DHRSX: variants seen among roughly 807,000 people sequenced by gnomAD.
The protein encoded by DHRSX is dehydrogenase/reductase X-linked.
In DHRSX, 31 loss-of-function variants were observed where a neutral mutation model predicts 34.0. The ratio of observed to expected loss-of-function variants is 0.91; its 90% CI spans 0.69 to 1.23. The LOEUF (loss-of-function observed/expected upper bound fraction) is 1.23. Among genes scored for constraint, DHRSX ranks in the 50% most tolerant of loss-of-function variants. The pLI is 0.00. For synonymous variants in DHRSX, 201 were observed against 183.8 expected (o/e 1.09, Z -0.76); for missense variants, 414 against 428.1 (o/e 0.97, Z 0.29).
At chrX:2,468,582 C>T in intron 1 of DHRSX, among the ~76,000 whole-genome samples, 1 of 138,878 alleles carries the variant, frequency 7.2e-6, no homozygotes, top group East Asian at 2.4e-4. Context: ...CTGCCATGTA[C>T]ACACTGAAGA....
intron 1 of DHRSX, among the ~76,000 whole-genome samples, chrX:2,453,917 T>C (rs1214368326): frequency 6.6e-6 from 1 of 152,136 alleles, no homozygotes; most frequent in African/African-American, 2.4e-5. Flanking sequence ...AATACGTTAT[T>C]AGCTTTATTT....
At chrX:2,357,681 A>C (rs2042872996) in intron 3 of DHRSX, among the ~76,000 whole-genome samples, 1 of 149,694 alleles carries the variant, frequency 6.7e-6, no homozygotes, top group Non-Finnish European at 1.5e-5. Context: ...TGTCTCAAAC[A>C]CTTTGGGACT....
chrX:2,380,161 G>T (rs1035780107), intron 3 of DHRSX, among the ~76,000 whole-genome samples: 2 of 151,918 alleles, frequency 1.3e-5, no homozygotes, highest in Admixed American at 1.3e-4. Flanking sequence ...TGTGCATGGT[G>T]GCACGTCCCC....
intron 4 of DHRSX, among the ~76,000 whole-genome samples, chrX:2,289,305 A>G (rs1288326525): frequency 6.6e-6 from 1 of 151,988 alleles, no homozygotes; most frequent in Non-Finnish European, 1.5e-5. Context: ...TTTAGTAGAG[A>G]CAGGGTTTCA....
chrX:2,473,333 G>A (rs1253402975), intron 1 of DHRSX, among the ~76,000 whole-genome samples: 1 of 152,156 alleles, frequency 6.6e-6, no homozygotes, highest in East Asian at 1.9e-4. Context: ...GATCAAGAAT[G>A]AAAGGCGCCG....
In DHRSX at chrX:2,304,204, AATGGATGGATGG is replaced by A. The variant is rs374906907; in HGVS notation, c.287-12613_287-12602del. 9.2e-4 allele frequency among the ~76,000 whole-genome samples: 57 copies of A among 62,138 alleles called. 1 individual carries two copies. The South Asian group carries it at 0.024, about 26-fold the overall frequency. 40.8% of individuals were successfully genotyped at this position (62,138 alleles called of 152,430 possible). On this transcript the variant is annotated intron_variant, in intron 3 of 6. Transcript: ENST00000334651. ...GGATGGATGGATGGATGGATGGATA[AATGGATGGATGG>A]ATGGATGGATGGATGGATGGATGGA...
At chrX:2,349,634 C>T (rs1471513913) in intron 3 of DHRSX, among the ~76,000 whole-genome samples, 1 of 152,058 alleles carries the variant, frequency 6.6e-6, no homozygotes, top group Non-Finnish European at 1.5e-5. Flanking sequence ...TTGCAGTGAG[C>T]TGAGATCACG....
At chrX:2,416,697 T>C (rs2043698357) in intron 2 of DHRSX, among the ~76,000 whole-genome samples, 1 of 151,902 alleles carries the variant, frequency 6.6e-6, no homozygotes, top group South Asian at 2.1e-4. Context: ...AAAAAAATGA[T>C]CCCCCACCAA....
intron 1 of DHRSX, among the ~76,000 whole-genome samples, chrX:2,440,399 C>T (rs2044047939): frequency 6.6e-6 from 1 of 151,822 alleles, no homozygotes; most frequent in Admixed American, 6.6e-5. Flanking sequence ...ACAGGGTCTC[C>T]GTATGTTGCC....
In DHRSX at chrX:2,332,404, T is replaced by G. The variant is rs772579259; in HGVS notation, c.287-40801A>C. On this transcript the variant is annotated intron_variant, in intron 3 of 6. Transcript: ENST00000334651. ...GTGCAGTGATATTTTCACAATGCTT[T>G]TGAAATCAGCGTGTTAATTGGCTAA... 3.9e-5 allele frequency among the ~76,000 whole-genome samples: 6 copies of G among 152,332 alleles called. No homozygotes were observed. In the South Asian group the frequency reaches 1.0e-3, roughly 26 times the overall value.
intron 3 of DHRSX, among the ~76,000 whole-genome samples, chrX:2,299,554 C>G (rs1180054554): frequency 6.6e-6 from 1 of 152,090 alleles, no homozygotes; most frequent in African/African-American, 2.4e-5. Flanking sequence ...CCCTGAGACT[C>G]AAGAAGATAA....
In DHRSX at chrX:2,375,620, T is replaced by C. The variant is rs559281292; in HGVS notation, c.286+33125A>G. ...TGGGATGGTTGGTTGGTTGGTCGGT[T>C]GGTTGGTTGGTTGGCTGGTTGGTTG... On this transcript the variant is annotated intron_variant, in intron 3 of 6. Coordinates refer to ENST00000334651, the MANE Select transcript of DHRSX (RefSeq NM_145177.3). Among the ~76,000 whole-genome samples, 13 of 135,018 alleles carry C rather than the reference T, an allele frequency of 9.6e-5. 2 individuals are homozygous for C. The South Asian group carries it at 2.6e-3, about 27-fold the overall frequency. 88.6% of individuals were successfully genotyped at this position (135,018 alleles called of 152,430 possible).
chrX:2,459,936 T>A (rs996471545), intron 1 of DHRSX, among the ~76,000 whole-genome samples: 4 of 151,942 alleles, frequency 2.6e-5, no homozygotes, highest in African/African-American at 9.7e-5. Flanking sequence ...GCTGAAACCC[T>A]GTCTCTACTA....
intron 3 of DHRSX, among the ~76,000 whole-genome samples, chrX:2,352,355 C>A (rs370679454): frequency 2.0e-5 from 3 of 152,030 alleles, no homozygotes; most frequent in Admixed American, 2.0e-4. Flanking sequence ...ATCAGTGATC[C>A]GCAAGCAGAT....
intron 1 of DHRSX, among the ~76,000 whole-genome samples, chrX:2,470,388 C>T (rs913131626): frequency 6.6e-6 from 1 of 150,788 alleles, no homozygotes; most frequent in African/African-American, 2.4e-5. Context: ...GTAATGAAAC[C>T]CTATCTCTAA....
intron 3 of DHRSX, among the ~76,000 whole-genome samples, chrX:2,390,603 G>A (rs1242510330): frequency 6.6e-6 from 1 of 152,100 alleles, no homozygotes; most frequent in East Asian, 1.9e-4. Context: ...TTGCCAAATG[G>A]AAACTCTGTT....
At chrX:2,408,687 C>A in intron 3 of DHRSX, 58 bp downstream of exon 3, 1 of 1,486,978 alleles carries the variant, frequency 6.7e-7, no homozygotes, top group African/African-American at 1.4e-5. Context: ...ACCACGCAAA[C>A]GACCTGTCCC....
chrX:2,326,861 G>A (rs1302952006), intron 3 of DHRSX, among the ~76,000 whole-genome samples: 5 of 151,260 alleles, frequency 3.3e-5, no homozygotes, highest in African/African-American at 1.2e-4. Context: ...GCCCAAGCTG[G>A]AGTATAATGG....
intron 3 of DHRSX, among the ~76,000 whole-genome samples, chrX:2,301,140 G>A (rs1211499008): frequency 2.6e-5 from 4 of 152,232 alleles, no homozygotes; most frequent in South Asian, 2.1e-4. Context: ...CAGGCCGGGC[G>A]CAGTGGCTTA....
Sources: allele counts gnomAD v4.1 joint callset (sites outside exome capture counted in the v4.1 genomes callset), GRCh38; gene constraint gnomAD v4.1.1; transcripts MANE v1.5; gene names NCBI Gene and HGNC (gene_info 2026-07-23, HGNC 2026-07-21).